The following GLS variants were observed in gnomAD, a reference collection of about 807,000 sequenced individuals.
The protein encoded by GLS is glutaminase, also known as glutaminase kidney isoform, mitochondrial.
GLS carries 36 observed loss-of-function variants against 86.7 expected under a neutral mutation model. The ratio of observed to expected loss-of-function variants is 0.42; its 90% CI spans 0.32 to 0.55. The LOEUF is 0.55. Among genes scored for constraint, GLS ranks in the 20% least tolerant of loss-of-function variants. The pLI is 0.17. For missense variants in GLS, 528 were observed against 833.4 expected (o/e 0.63, Z 4.51); for synonymous variants, 317 against 305.9 (o/e 1.04, Z -0.38).
intron 7 of GLS, 33 bp downstream of exon 7, chr2:190,910,354 A>AAACTTTTTTTTTTTAACAGCT: frequency 7.7e-7 from 1 of 1,296,906 alleles, no homozygotes; most frequent in Admixed American, 1.9e-5. Context: ...TAACCTAGTA[A>AAACTTTTTTTTTTTAACAGCT]AACTTTTTTT....
chr2:190,938,535 G>A lies in GLS; in HGVS notation c.1650+6898G>A, dbSNP rs749637374. 1.3e-5 allele frequency among the ~76,000 whole-genome samples: 2 copies of A among 151,532 alleles called. No homozygotes were observed. Among genetic ancestry groups the A allele is most frequent in the Non-Finnish European group, 1.5e-5 (1 of 67,542 alleles). On this transcript the variant is annotated intron_variant, in intron 14 of 17. Coordinates refer to ENST00000320717, the MANE Select transcript of GLS (RefSeq NM_014905.5). The surrounding 1 kb of genome is among the most constrained non-coding windows in gnomAD (Gnocchi z 4.1). ...TTTTTAGAATCACAGATTTGAATTT[G>A]AAAGTAATCTTAAATGTTACCTGGT...
chr2:190,925,579 G>A (rs578104512), intron 11 of GLS, among the ~76,000 whole-genome samples: 25 of 152,282 alleles, frequency 1.6e-4, no homozygotes, highest in Admixed American at 9.2e-4. Flanking sequence ...CCACATAGGA[G>A]GCTACATTAT....
rs149447010 is a variant in GLS at position 190,929,813 on chromosome 2, A to G, written c.1426-624A>G. ...ACATGTTGATAAAAATTTATCTACA[A>G]TATTTTTAATGTTGAAATTCTATGG... is the stretch of plus-strand genomic sequence containing the variant. On this transcript the variant is annotated intron_variant, in intron 12 of 17. Coordinates refer to ENST00000320717, the MANE Select transcript of GLS (RefSeq NM_014905.5). 3.0e-3 allele frequency among the ~76,000 whole-genome samples: 458 copies of G among 151,916 alleles called. 8 individuals are homozygous for G. Among genetic ancestry groups the G allele is most frequent in the African/African-American group, 0.01 (425 of 41,460 alleles).
intron 14 of GLS, among the ~76,000 whole-genome samples, chr2:190,944,205 T>TG (rs1204890761): frequency 2.6e-5 from 4 of 151,972 alleles, no homozygotes; most frequent in Non-Finnish European, 5.9e-5. Context: ...GATTTTTTTT[T>TG]TTTGTTTAAT....
chr2:190,885,285 G>A (rs1688337493), intron 1 of GLS, among the ~76,000 whole-genome samples: 1 of 151,124 alleles, frequency 6.6e-6, no homozygotes, highest in African/African-American at 2.4e-5. Flanking sequence ...TCTGCCTCCC[G>A]GGTTCAAGCC....
rs180721146 is a variant in GLS, at chr2:190,956,950, A to G, written c.1853+2132A>G. On this transcript the variant is annotated intron_variant, in intron 17 of 17. Coordinates refer to ENST00000320717, the MANE Select transcript of GLS (RefSeq NM_014905.5). This position sits in a 1 kb window ranked among gnomAD's most constrained non-coding sequence, Gnocchi z 4.2. Reference sequence around the variant, plus strand: ...GAATGCCTGTGATTTTTGCACATTGATTTTGTATCTTGAGACTTTGCTGAA... The same window carrying G: ...GAATGCCTGTGATTTTTGCACATTGGTTTTGTATCTTGAGACTTTGCTGAA... Among the ~76,000 whole-genome samples the G allele has an allele frequency of 6.6e-5, 10 of 152,202 alleles. No individual in the cohort carries two copies. In the East Asian group the frequency reaches 1.9e-3, roughly 29 times the overall value.
chr2:190,916,853 A>T (rs1275466917), intron 7 of GLS, among the ~76,000 whole-genome samples: 1 of 152,234 alleles, frequency 6.6e-6, no homozygotes, highest in African/African-American at 2.4e-5. Context: ...GCATCTAAAA[A>T]AAAACAGTGT....
rs1455970851 is a variant in GLS, at chr2:190,943,412, T to G, written c.1651-10153T>G. 6.6e-6 allele frequency among the ~76,000 whole-genome samples: 1 copy of G among 152,158 alleles called. No individual in the cohort carries two copies. The highest frequency in any genetic ancestry group is 1.5e-5 in the Non-Finnish European group (1 of 68,020). ...ACAGAACCCTAAGAAACCATCATTT[T>G]AAAGGTAAGATAGAGTAGGAGAGGC... is the stretch of plus-strand genomic sequence containing the variant. On this transcript the variant is annotated intron_variant, in intron 14 of 17. Transcript: ENST00000320717. This position sits in a 1 kb window ranked among gnomAD's most constrained non-coding sequence, Gnocchi z 4.5.
chr2:190,923,684 T>G (rs529264971), intron 9 of GLS, among the ~76,000 whole-genome samples: 1 of 152,338 alleles, frequency 6.6e-6, no homozygotes, highest in African/African-American at 2.4e-5. Flanking sequence ...AGAAAGGACC[T>G]GAATTCGTTT....
At chr2:190,960,359 A>ATTTTTTTTTTTTT (rs770419477) in intron 17 of GLS, among the ~76,000 whole-genome samples, 1 of 101,486 alleles carries the variant, frequency 9.9e-6, no homozygotes, top group South Asian at 3.4e-4. Context: ...TTAAGCTTCA[A>ATTTTTTTTTTTTT]TTTTTTTTTT....
In GLS at chr2:190,964,277, CTG is replaced by C. The variant is rs1204692360; in HGVS notation, c.*1293_*1294del. 1 of 152,062 alleles carries C rather than the reference CTG, an allele frequency of 6.6e-6. No individual in the cohort carries two copies. The highest frequency in any genetic ancestry group is 1.5e-5 in the Non-Finnish European group (1 of 68,014). The allele number at this position is 152,062 out of a possible 1,614,324, so 9.4% of individuals were successfully genotyped here. A position where few individuals can be genotyped will look rare whatever the true frequency, so the allele number is the denominator to read the frequency against. On this transcript the variant is annotated 3_prime_UTR_variant, in exon 18 of 18. Transcript: ENST00000320717. The surrounding 1 kb of genome is among the most constrained non-coding windows in gnomAD (Gnocchi z 5.2). ...CTAGGAGTTACACATACATTTTATC[CTG>C]TCATACCTCGAGATAAAGTGGCATG...
chr2:190,934,005 A>G (rs187791426), intron 14 of GLS: 11 of 959,908 alleles, frequency 1.1e-5, no homozygotes, highest in East Asian at 2.3e-4. Flanking sequence ...GTAATTATTC[A>G]TAGTATTTAT....
intron 14 of GLS, among the ~76,000 whole-genome samples, chr2:190,942,294 A>G (rs1221510051): frequency 6.6e-6 from 1 of 151,338 alleles, no homozygotes; most frequent in African/African-American, 2.4e-5. Context: ...GTTAGCCAAG[A>G]TGGTCTCGAT....
intron 7 of GLS, 87 bp downstream of exon 7, chr2:190,910,408 T>A: frequency 1.5e-6 from 1 of 662,872 alleles, no homozygotes; most frequent in Non-Finnish European, 2.6e-6. Context: ...ATTATTTATG[T>A]AGAATTATGA....
rs1232194128 is a variant in GLS at position 190,895,879 on chromosome 2, T to C, written c.605+154T>C. On this transcript the variant is annotated intron_variant, in intron 3 of 17. Transcript: ENST00000320717. This position sits in a 1 kb window ranked among gnomAD's most constrained non-coding sequence, Gnocchi z 4.2. ...ATTTGTTTGAAGAACTTGGTACATA[T>C]TAGGTTCTATAATACACCGGGCTAA... 3 of 537,456 alleles carry C rather than the reference T, an allele frequency of 5.6e-6. No individual in the cohort carries two copies. Among genetic ancestry groups the C allele is most frequent in the Admixed American group, 3.1e-5 (1 of 32,006 alleles). 33.3% of individuals were successfully genotyped at this position (537,456 alleles called of 1,614,324 possible). A position where few individuals can be genotyped will look rare whatever the true frequency, so the allele number is the denominator to read the frequency against.
At position 190,914,701 on chromosome 2, in the gene GLS, C is replaced by G. The variant is rs115156130; in HGVS notation, c.1038+4380C>G. ...TCTAATTTTTAATTGGCTTGCACCT[C>G]CATACTTTATGAATGGAATCAAGTG... On this transcript the variant is annotated intron_variant, in intron 7 of 17. Transcript: ENST00000320717. This position sits in a 1 kb window ranked among gnomAD's most constrained non-coding sequence, Gnocchi z 4.4. 6.7e-4 allele frequency among the ~76,000 whole-genome samples: 102 copies of G among 152,192 alleles called. 1 individual carries two copies. Among genetic ancestry groups the G allele is most frequent in the African/African-American group, 2.3e-3 (96 of 41,542 alleles).
At chr2:190,928,662 C>A (rs557091803) in intron 12 of GLS, among the ~76,000 whole-genome samples, 2 of 149,902 alleles carry the variant, frequency 1.3e-5, no homozygotes, top group African/African-American at 4.9e-5. Flanking sequence ...GTTTGTTTGA[C>A]TTAGGATACA....
At chr2:190,927,029 G>T (rs1182095127) in intron 11 of GLS, 2 of 277,844 alleles carry the variant, frequency 7.2e-6, no homozygotes, top group South Asian at 9.3e-5. Context: ...AATATCACAT[G>T]GGATAATAAC....
In GLS at chr2:190,943,914, T is replaced by G. The variant is rs1690513742; in HGVS notation, c.1651-9651T>G. Among the ~76,000 whole-genome samples the G allele has an allele frequency of 6.6e-6, 1 of 152,132 alleles. No homozygotes were observed. Among genetic ancestry groups the G allele is most frequent in the Non-Finnish European group, 1.5e-5 (1 of 68,000 alleles). ...GATTTCTTTTCTAACATTAAAGCAA[T>G]TAGTAAAGATTGTGTTAGTATTGTG... is the stretch of plus-strand genomic sequence containing the variant. On this transcript the variant is annotated intron_variant, in intron 14 of 17. Transcript: ENST00000320717. The surrounding 1 kb of genome is among the most constrained non-coding windows in gnomAD (Gnocchi z 4.5).
Sources: allele counts gnomAD v4.1 joint callset (sites outside exome capture counted in the v4.1 genomes callset), GRCh38; gene constraint gnomAD v4.1.1; non-coding constraint Gnocchi (gnomAD v3.1); transcripts MANE v1.5; gene names NCBI Gene and HGNC (gene_info 2026-07-23, HGNC 2026-07-21).